The following ZNF727 variants were observed in gnomAD, a reference collection of about 807,000 sequenced individuals.
The protein encoded by ZNF727 is zinc finger protein 727, also known as putative zinc finger protein 727.
In ZNF727, 11 loss-of-function variants were observed where a neutral mutation model predicts 11.5. The ratio of observed to expected loss-of-function variants is 0.95; its 90% CI spans 0.60 to 1.58. The LOEUF is 1.58. ZNF727 is among the 40% of genes most tolerant of loss of function. The pLI, the probability that ZNF727 is intolerant of heterozygous loss-of-function variation, is 0.00. For missense variants in ZNF727, 533 were observed against 581.7 expected (o/e 0.92, Z 0.86); for synonymous variants, 171 against 196.1 (o/e 0.87, Z 1.07).
chr7:64,077,656 G>A lies in ZNF727; in HGVS notation c.607G>A (p.Glu203Lys), dbSNP rs1247557384. ...IHTADRSYKC[E>K]ECGKACKKFS... ...TACTGCAGATAGAAGTTACAAATGT[G>A]AAGAATGTGGCAAAGCCTGTAAAAA... The change falls in exon 4 of 4, where the codon GAA becomes AAA. Residue 203 changes from glutamate to lysine, a missense_variant. Coordinates refer to ENST00000456806, the MANE Select transcript of ZNF727 (RefSeq NM_001159522.3). The A allele has an allele frequency of 1.3e-6, 2 of 1,556,298 alleles. No individual in the cohort carries two copies. Among genetic ancestry groups the A allele is most frequent in the Admixed American group, 1.9e-5 (1 of 51,296 alleles).
chr7:64,065,219 G>A (rs928905459), intron 1 of ZNF727, among the ~76,000 whole-genome samples: 5 of 152,100 alleles, frequency 3.3e-5, no homozygotes, highest in East Asian at 1.9e-4. Flanking sequence ...ATACTTTCAC[G>A]AGAGGTGAGT....
In ZNF727 at chr7:64,058,950, C is replaced by CTTTTTTTTTTTTTTT. The variant is rs560995822; in HGVS notation, c.4-9929_4-9928insTTTTTTTTTTTTTTT. On this transcript the variant is annotated intron_variant, in intron 1 of 3. Transcript: ENST00000456806. ...CTATTGCTTATGGCTATTGCATTGT[C>CTTTTTTTTTTTTTTT]TTTTTTTTTTTTGAGACGGAGTCTC... Among the ~76,000 whole-genome samples, 324 of 145,328 alleles carry CTTTTTTTTTTTTTTT rather than the reference C, an allele frequency of 2.2e-3. 7 individuals carry two copies. Among genetic ancestry groups the CTTTTTTTTTTTTTTT allele is most frequent in the African/African-American group, 7.7e-3 (306 of 39,592 alleles).
Position 64,079,710 on chromosome 7 carries a change from A to G in ZNF727, c.*1161A>G, listed in dbSNP as rs1312681005. On this transcript the variant is annotated 3_prime_UTR_variant, in exon 4 of 4. Transcript: ENST00000456806. ...GATTTGATTCTGTCATGATCATCTT[A>G]GCTGGCTATTTTGCACATTTGTTTA... Among the ~76,000 whole-genome samples, 4 of 152,146 alleles carry G rather than the reference A, an allele frequency of 2.6e-5. No individual in the cohort carries two copies. The highest frequency in any genetic ancestry group is 4.4e-5 in the Non-Finnish European group (3 of 68,024).
intron 1 of ZNF727, 67 bp from the exon 2 acceptor site, chr7:64,068,824 C>G: frequency 1.3e-6 from 2 of 1,532,716 alleles, no homozygotes; most frequent in Non-Finnish European, 1.8e-6. Context: ...TCTTTACTCT[C>G]ATTTTACCTG....
At chr7:64,071,598 A>G (rs1789963166) in intron 3 of ZNF727, among the ~76,000 whole-genome samples, 1 of 151,864 alleles carries the variant, frequency 6.6e-6, no homozygotes, top group African/African-American at 2.4e-5. Context: ...TTTTAGTTTG[A>G]TGCAGTTTAA....
In ZNF727 at chr7:64,079,494, ACTAG is replaced by A. The variant is rs1785749989; in HGVS notation, c.*946_*949del. On this transcript the variant is annotated 3_prime_UTR_variant, in exon 4 of 4. Coordinates refer to ENST00000456806, the MANE Select transcript of ZNF727 (RefSeq NM_001159522.3). The stretch of plus-strand genomic sequence containing the variant: ...TGATTTAAAGTCTGTTTTGTCAGAA[ACTAG>A]GATTGTAATCCTTGCTTTTTTACTG... Among the ~76,000 whole-genome samples, 1 of 152,206 alleles carries A rather than the reference ACTAG, an allele frequency of 6.6e-6. No homozygotes were observed. The highest frequency in any genetic ancestry group is 1.9e-4 in the East Asian group (1 of 5,202).
At chr7:64,062,224 A>G (rs2116295770) in intron 1 of ZNF727, among the ~76,000 whole-genome samples, 1 of 152,186 alleles carries the variant, frequency 6.6e-6, no homozygotes, top group African/African-American at 2.4e-5. Context: ...TTTACATACC[A>G]TATTTACAGT....
chr7:64,048,928 T>G lies in ZNF727; in HGVS notation c.3+3304T>G, dbSNP rs151231677. Among the ~76,000 whole-genome samples the G allele has an allele frequency of 2.4e-3, 369 of 152,268 alleles. 2 individuals carry two copies. Among genetic ancestry groups the G allele is most frequent in the African/African-American group, 8.2e-3 (340 of 41,550 alleles). Reference sequence around the variant, plus strand: ...ATTGGTGGCCAAGCCTGCAGAAAGTTAGAGAGAATTTGTCCAGTGCTGGGT... The same window carrying G: ...ATTGGTGGCCAAGCCTGCAGAAAGTGAGAGAGAATTTGTCCAGTGCTGGGT... On this transcript the variant is annotated intron_variant, in intron 1 of 3. Coordinates refer to ENST00000456806, the MANE Select transcript of ZNF727 (RefSeq NM_001159522.3).
Position 64,083,120 on chromosome 7 carries a change from G to T in ZNF727, c.*4571G>T, listed in dbSNP as rs1785818647. 6.6e-6 allele frequency among the ~76,000 whole-genome samples: 1 copy of T among 152,200 alleles called. No homozygotes were observed. The highest frequency in any genetic ancestry group is 2.4e-5 in the African/African-American group (1 of 41,460). Reference sequence around the variant, plus strand: ...GTGGTGGTAGCTGGAGACCCTGGTTGGGAACTGCTTTGCAGTGAGGAGGAA... The same window carrying T: ...GTGGTGGTAGCTGGAGACCCTGGTTTGGAACTGCTTTGCAGTGAGGAGGAA... On this transcript the variant is annotated 3_prime_UTR_variant, in exon 4 of 4. Transcript: ENST00000456806.
intron 1 of ZNF727, among the ~76,000 whole-genome samples, chr7:64,063,508 T>G (rs1584147826): frequency 2.0e-5 from 3 of 152,206 alleles, no homozygotes; most frequent in East Asian, 3.9e-4. Context: ...CTGAGCTGCC[T>G]GGAGCTGGAG....
chr7:64,074,910 T>G (rs1790017424), intron 3 of ZNF727, among the ~76,000 whole-genome samples: 2 of 152,120 alleles, frequency 1.3e-5, no homozygotes, highest in African/African-American at 4.8e-5. Context: ...AAATTTTATC[T>G]TCTTTACTAT....
At chr7:64,071,587 G>A (rs189005777) in intron 3 of ZNF727, among the ~76,000 whole-genome samples, 4 of 151,974 alleles carry the variant, frequency 2.6e-5, no homozygotes, top group South Asian at 2.1e-4. Context: ...ATGCAGAAGC[G>A]TTTTAGTTTG....
chr7:64,078,220 A>G lies in ZNF727; in HGVS notation c.1171A>G (p.Thr391Ala). Residue 391 changes from threonine (T) to alanine (A), a missense_variant, in exon 4 of 4, where the codon ACT becomes GCT. Transcript: ENST00000456806. Reference protein sequence around the residue: ...SDLTNHKRIHTGEKPYKCEEC... With the variant: ...SDLTNHKRIHAGEKPYKCEEC... Reference sequence around the variant, plus strand: ...CCTGACTAATCATAAGAGAATTCACACTGGAGAGAAACCCTACAAATGTGA... The same window carrying G: ...CCTGACTAATCATAAGAGAATTCACGCTGGAGAGAAACCCTACAAATGTGA... 1 of 1,606,464 alleles carries G rather than the reference A, an allele frequency of 6.2e-7. No homozygotes were observed. The highest frequency in any genetic ancestry group is 8.5e-7 in the Non-Finnish European group (1 of 1,176,104).
intron 3 of ZNF727, among the ~76,000 whole-genome samples, 154 bp downstream of exon 3, chr7:64,069,763 T>C (rs1299385207): frequency 6.6e-6 from 1 of 152,088 alleles, no homozygotes; most frequent in Non-Finnish European, 1.5e-5. Context: ...CATAGGGGAA[T>C]TTTTTGTCCC....
At chr7:64,054,568 T>C (rs898373655) in intron 1 of ZNF727, among the ~76,000 whole-genome samples, 2 of 152,238 alleles carry the variant, frequency 1.3e-5, no homozygotes, top group Non-Finnish European at 2.9e-5. Flanking sequence ...CTCAGAAATA[T>C]TTGTTTAATG....
chr7:64,053,189 C>T (rs192708789), intron 1 of ZNF727, among the ~76,000 whole-genome samples: 1 of 152,256 alleles, frequency 6.6e-6, no homozygotes, highest in East Asian at 1.9e-4. Flanking sequence ...ACCCAAATCT[C>T]ATCTGGAAGT....
Position 64,081,961 on chromosome 7 carries a change from G to A in ZNF727, c.*3412G>A, listed in dbSNP as rs1217471314. On this transcript the variant is annotated 3_prime_UTR_variant, in exon 4 of 4. Coordinates refer to ENST00000456806, the MANE Select transcript of ZNF727 (RefSeq NM_001159522.3). ...GGCCAGCAATCACTCAGTGCAGTCC[G>A]ACCAGGATGGAGGATCTGTGCTTTT... 6.6e-5 allele frequency among the ~76,000 whole-genome samples: 10 copies of A among 152,010 alleles called. 1 individual carries two copies. The highest frequency in any genetic ancestry group is 3.9e-4 in the East Asian group (2 of 5,140).
chr7:64,060,054 T>A (rs770588799), intron 1 of ZNF727, among the ~76,000 whole-genome samples: 1 of 152,168 alleles, frequency 6.6e-6, no homozygotes, highest in Non-Finnish European at 1.5e-5. Flanking sequence ...ATATAGCCAA[T>A]TTAAATTTTC....
At position 64,078,253 on chromosome 7, in the gene ZNF727, G is replaced by A; in HGVS notation, c.1204G>A (p.Gly402Ser). The A allele has an allele frequency of 1.2e-6, 2 of 1,604,900 alleles. No homozygotes were observed. Among genetic ancestry groups the A allele is most frequent in the Non-Finnish European group, 1.7e-6 (2 of 1,175,606 alleles). The part of the protein sequence containing the change: ...GEKPYKCEEC[G>S]KSFTCSSNLI... ...GAAACCCTACAAATGTGAAGAATGTGGCAAAAGCTTTACCTGCTCCTCAAA... is the reference window on the plus strand; with the variant it reads ...GAAACCCTACAAATGTGAAGAATGTAGCAAAAGCTTTACCTGCTCCTCAAA... The change falls in exon 4 of 4, where the codon GGC becomes AGC. Residue 402 changes from glycine to serine, a missense_variant. Physicochemically the swap from Gly to Ser is moderately conservative, Grantham distance 56 (BLOSUM62 0). Around this residue, in one of 3 missense-constraint regions of ZNF727, gnomAD observed 463 missense variants for 494.5 expected, o/e 0.94. Coordinates refer to ENST00000456806, the MANE Select transcript of ZNF727 (RefSeq NM_001159522.3).
Sources: allele counts gnomAD v4.1 joint callset (sites outside exome capture counted in the v4.1 genomes callset), GRCh38; gene constraint gnomAD v4.1.1; regional missense constraint gnomAD v4.1.1; transcripts MANE v1.5; gene names NCBI Gene and HGNC (gene_info 2026-07-23, HGNC 2026-07-21).